Variants in ACER3 observed in about 807,000 individuals in gnomAD.
ACER3 encodes the protein alkCDase 3.
A neutral mutation model predicts 48.9 loss-of-function variants in ACER3; 16 were observed. That is an observed-to-expected ratio of 0.33 (90% CI 0.22 to 0.50). ACER3 has a LOEUF of 0.50. ACER3 is among the 20% of genes least tolerant of loss of function. The pLI is 0.98. For synonymous variants in ACER3, 109 were observed against 107.8 expected, an observed-to-expected ratio of 1.01 and a Z score of -0.07; for missense variants, 227 against 326.0, an observed-to-expected ratio of 0.70 and a Z score of 2.34.
At chr11:76,934,554 G>A (rs534682043) in intron 2 of ACER3, among the ~76,000 whole-genome samples, 27 of 152,398 alleles carry the variant, frequency 1.8e-4, no homozygotes, top group Admixed American at 5.9e-4. Flanking sequence ...CAGGCGTGGC[G>A]TGCGCCTGCA....
chr11:76,887,489 A>G (rs1945701196), intron 1 of ACER3, among the ~76,000 whole-genome samples: 1 of 152,192 alleles, frequency 6.6e-6, no homozygotes, highest in Non-Finnish European at 1.5e-5. Flanking sequence ...ATTGGTAGCT[A>G]TCATTTTTAA....
At chr11:76,917,819 C>T (rs1384032911) in intron 1 of ACER3, among the ~76,000 whole-genome samples, 1 of 148,920 alleles carries the variant, frequency 6.7e-6, no homozygotes, top group East Asian at 2.0e-4. Context: ...CATGATTGTG[C>T]CACTGAACTC....
chr11:76,960,022 C>T (rs1947946499), intron 3 of ACER3, among the ~76,000 whole-genome samples: 1 of 152,020 alleles, frequency 6.6e-6, no homozygotes, highest in Non-Finnish European at 1.5e-5. Flanking sequence ...ACTTCTAGAA[C>T]AGTAGTACAA....
Position 76,985,670 on chromosome 11 carries a change from A to G in ACER3, c.348A>G (p.Ser116=). Residue 116 remains serine (S), a synonymous_variant, in exon 5 of 11, where the codon TCA becomes TCG. Coordinates refer to ENST00000532485, the MANE Select transcript of ACER3 (RefSeq NM_018367.7). ...TTGAATGTTTCAAGATCAAGAACTC[A>G]GTAAACTACCATCTGCTTTTTACCT... ...CMFECFKIKN[S]VNYHLLFTLV... 6.4e-7 allele frequency: 1 copy of G among 1,571,350 alleles called. No individual in the cohort carries two copies. The highest frequency in any genetic ancestry group is 2.3e-5 in the East Asian group (1 of 42,660).
At chr11:76,875,732 GTT>G (rs71040037) in intron 1 of ACER3, among the ~76,000 whole-genome samples, 1,397 of 67,028 alleles carry the variant, frequency 0.021, 40 homozygotes, top group African/African-American at 0.075. Context: ...AGTTTTTGTT[GTT>G]TTTTTTTTTT....
At chr11:76,910,626 AT>A (rs1299461825) in intron 1 of ACER3, among the ~76,000 whole-genome samples, 1 of 152,214 alleles carries the variant, frequency 6.6e-6, no homozygotes, top group African/African-American at 2.4e-5. Flanking sequence ...AAAATATACC[AT>A]TAATAAACAG....
At chr11:76,861,217 GGGCCAGCGGGAGGCTGA>G in intron 1 of ACER3, 138 bp downstream of exon 1, 1 of 784,886 alleles carries the variant, frequency 1.3e-6, no homozygotes, top group Non-Finnish European at 2.0e-6. Flanking sequence ...GCGGCGCCCT[GGGCCAGCGGGAGGCTGA>G]GAGGAGCGGG....
chr11:76,891,642 A>C (rs1945807488), intron 1 of ACER3, among the ~76,000 whole-genome samples: 1 of 152,150 alleles, frequency 6.6e-6, no homozygotes, highest in Non-Finnish European at 1.5e-5. Context: ...TGAAAAGAGG[A>C]GGCTCCCTTG....
chr11:76,939,845 G>A (rs191297241), intron 2 of ACER3, among the ~76,000 whole-genome samples: 12 of 152,198 alleles, frequency 7.9e-5, no homozygotes, highest in Admixed American at 3.9e-4. Flanking sequence ...GAGACAAGAC[G>A]GCTAAATGCA....
chr11:76,943,733 C>A (rs1607285), intron 2 of ACER3, among the ~76,000 whole-genome samples: 1 of 144,502 alleles, frequency 6.9e-6, no homozygotes, highest in African/African-American at 2.8e-5. Context: ...CTAGTGCGGT[C>A]AGTGATGTGT....
At chr11:76,929,768 C>T (rs79279341) in intron 2 of ACER3, among the ~76,000 whole-genome samples, 3 of 152,250 alleles carry the variant, frequency 2.0e-5, no homozygotes, top group South Asian at 4.1e-4. Context: ...TGCTGGATTA[C>T]GTTTATTGAT....
At chr11:76,870,350 T>TCTCAAA (rs1945211726) in intron 1 of ACER3, among the ~76,000 whole-genome samples, 1 of 151,072 alleles carries the variant, frequency 6.6e-6, no homozygotes, top group African/African-American at 2.4e-5. Context: ...CCCAGGCTGG[T>TCTCAAA]CTCAAACTCC....
chr11:76,919,593 A>G (rs1946634200), intron 1 of ACER3, among the ~76,000 whole-genome samples: 1 of 152,190 alleles, frequency 6.6e-6, no homozygotes, highest in Non-Finnish European at 1.5e-5. Context: ...ATATTTTAGT[A>G]CACTATTGTG....
At chr11:76,862,437 G>A (rs1488299526) in intron 1 of ACER3, among the ~76,000 whole-genome samples, 1 of 152,158 alleles carries the variant, frequency 6.6e-6, no homozygotes, top group Non-Finnish European at 1.5e-5. Context: ...GGGATCATTT[G>A]TAATACAATT....
chr11:76,924,977 A>AAAAAAAC (rs1555002083), intron 1 of ACER3, among the ~76,000 whole-genome samples: 3 of 124,040 alleles, frequency 2.4e-5, no homozygotes, highest in Non-Finnish European at 3.0e-5. Flanking sequence ...CTCTGTCAAA[A>AAAAAAAC]AAAAAAAAAA....
chr11:76,989,897 T>G (rs1263269519), intron 5 of ACER3, among the ~76,000 whole-genome samples: 1 of 152,214 alleles, frequency 6.6e-6, no homozygotes, highest in African/African-American at 2.4e-5. Context: ...CACATGACAT[T>G]GGAACCTACA....
At chr11:77,013,691 T>C (rs1170519392) in intron 7 of ACER3, among the ~76,000 whole-genome samples, 3 of 152,164 alleles carry the variant, frequency 2.0e-5, no homozygotes, top group African/African-American at 7.2e-5. Flanking sequence ...AAATTAAATA[T>C]TCACCTGCCA....
At chr11:76,972,890 A>G (rs1201931619) in intron 3 of ACER3, among the ~76,000 whole-genome samples, 1 of 152,204 alleles carries the variant, frequency 6.6e-6, no homozygotes, top group Non-Finnish European at 1.5e-5. Flanking sequence ...CCCCCTTCCC[A>G]AAGTGGCAAC....
In ACER3 at chr11:76,971,496, C is replaced by T. The variant is rs189805836; in HGVS notation, c.268-4793C>T. ...CAGAGGTTGCAGTGAGCCAAGATCGCGCCACTGCACTCCTCCTGGTGACAG... is the reference window on the plus strand; with the variant it reads ...CAGAGGTTGCAGTGAGCCAAGATCGTGCCACTGCACTCCTCCTGGTGACAG... On this transcript the variant is annotated intron_variant, in intron 3 of 10. Coordinates refer to ENST00000532485, the MANE Select transcript of ACER3 (RefSeq NM_018367.7). 2.5e-4 allele frequency among the ~76,000 whole-genome samples: 38 copies of T among 151,518 alleles called. 1 individual carries two copies. The highest frequency in any genetic ancestry group is 1.9e-4 in the East Asian group (1 of 5,138).
Sources: gnomAD v4.1 joint callset for allele counts (sites outside exome capture counted in the v4.1 genomes callset) on GRCh38, gnomAD v4.1.1 for gene constraint, MANE v1.5 for transcripts, NCBI Gene and HGNC (gene_info 2026-07-23, HGNC 2026-07-21) for gene names.